DYTN: variants seen among roughly 807,000 people sequenced by gnomAD.
DYTN encodes dystrotelin.
In DYTN, 75 loss-of-function variants were observed where a neutral mutation model predicts 69.6. The observed-to-expected ratio is 1.08, with a 90% CI of 0.89 to 1.31. The LOEUF is 1.31. Ranked by LOEUF, DYTN falls within the 50% of genes most tolerant of loss-of-function variation. DYTN has a pLI of 0.00. For missense variants in DYTN, 726 were observed against 688.4 expected (o/e 1.05, Z -0.61); for synonymous variants, 252 against 249.1 (o/e 1.01, Z -0.11).
At chr2:206,714,034 A>G (rs906291278) in intron 1 of DYTN, among the ~76,000 whole-genome samples, 10 of 152,148 alleles carry the variant, frequency 6.6e-5, no homozygotes, top group African/African-American at 2.2e-4. Flanking sequence ...ATTCAAACAT[A>G]TGTGGCAAGG....
rs1194032966 is a variant in DYTN, at chr2:206,717,079, A to ACACACACACACACACACAC, written c.19+1181_19+1182insGTGTGTGTGTGTGTGTGTG. On this transcript the variant is annotated intron_variant, in intron 1 of 11. Coordinates refer to ENST00000452335, the MANE Select transcript of DYTN (RefSeq NM_001093730.1). Reference sequence around the variant, plus strand: ...ACACACACACACACACACACACACAAAACAAACTCAAGAAAGGAAGAAACT... The same window carrying ACACACACACACACACACAC: ...ACACACACACACACACACACACACAACACACACACACACACACACAACAAACTCAAGAAAGGAAGAAACT... Among the ~76,000 whole-genome samples the ACACACACACACACACACAC allele has an allele frequency of 3.5e-3, 484 of 137,228 alleles. 3 individuals are homozygous for ACACACACACACACACACAC. The highest frequency in any genetic ancestry group is 0.01 in the South Asian group (43 of 4,284). The allele number at this position is 137,228 out of a possible 152,430, so 90.0% of individuals were successfully genotyped here. A position where few individuals can be genotyped will look rare whatever the true frequency, so the allele number is the denominator to read the frequency against.
chr2:206,666,651 T>C (rs1165385092), intron 9 of DYTN, among the ~76,000 whole-genome samples: 2 of 152,168 alleles, frequency 1.3e-5, no homozygotes, highest in Non-Finnish European at 2.9e-5. Flanking sequence ...TCATGGATTG[T>C]AGGTCTGCTT....
At chr2:206,666,732 G>GGTGTGT (rs1288288446) in intron 9 of DYTN, among the ~76,000 whole-genome samples, 68 of 122,384 alleles carry the variant, frequency 5.6e-4, no homozygotes, top group African/African-American at 2.2e-3. Flanking sequence ...CTCACTCATG[G>GGTGTGT]GTGTGCGTGT....
At chr2:206,693,736 A>G (rs372643645) in intron 8 of DYTN, among the ~76,000 whole-genome samples, 1 of 152,230 alleles carries the variant, frequency 6.6e-6, no homozygotes, top group African/African-American at 2.4e-5. Flanking sequence ...TCACAGGCTC[A>G]CCCGAAATCC....
At chr2:206,661,332 G>A (rs972127440) in intron 11 of DYTN, among the ~76,000 whole-genome samples, 2 of 152,158 alleles carry the variant, frequency 1.3e-5, no homozygotes, top group Admixed American at 1.3e-4. Flanking sequence ...CTCCTCTGAT[G>A]CAAAAACACA....
intron 9 of DYTN, among the ~76,000 whole-genome samples, chr2:206,679,452 C>A (rs1485191341): frequency 6.6e-6 from 1 of 152,136 alleles, no homozygotes; most frequent in Non-Finnish European, 1.5e-5. Context: ...AGAAAATCCC[C>A]CAGGTCATCT....
At chr2:206,699,585 T>G (rs1393778525) in intron 7 of DYTN, 142 bp downstream of exon 7, 1 of 961,580 alleles carries the variant, frequency 1.0e-6, no homozygotes, top group Non-Finnish European at 1.5e-6. Context: ...GGATGCCTCT[T>G]GCCAGGAAAT....
chr2:206,660,913 C>T (rs1699504806), intron 11 of DYTN, among the ~76,000 whole-genome samples: 1 of 152,242 alleles, frequency 6.6e-6, no homozygotes, highest in South Asian at 2.1e-4. Context: ...TGCCCCCCTC[C>T]TACCCCAAAT....
Position 206,707,414 on chromosome 2 carries a change from G to T in DYTN, c.184C>A (p.Leu62Ile). Residue 62 changes from leucine (L) to isoleucine (I), a missense_variant, in exon 3 of 12, where the codon CTT becomes ATT. Leu to Ile is a conservative substitution (Grantham distance 5). Coordinates refer to ENST00000452335, the MANE Select transcript of DYTN (RefSeq NM_001093730.1). ...AACAGCTCTTGGAGTGCCTGAGAAA[G>T]TTGCTGCACAGAAAGGGAGTGCTTG... ...ARKHSLSVQQ[L>I]SQALQELFQK... 6.2e-7 allele frequency: 1 copy of T among 1,613,368 alleles called. No individual in the cohort carries two copies. Among genetic ancestry groups the T allele is most frequent in the Non-Finnish European group, 8.5e-7 (1 of 1,179,728 alleles).
chr2:206,652,673 A>T (rs1380098709), intron 11 of DYTN, among the ~76,000 whole-genome samples: 3 of 152,232 alleles, frequency 2.0e-5, no homozygotes, highest in Non-Finnish European at 4.4e-5. Flanking sequence ...GCAGCATTTT[A>T]AAAATGACAT....
chr2:206,673,987 C>T (rs1184118604), intron 9 of DYTN, among the ~76,000 whole-genome samples: 1 of 152,126 alleles, frequency 6.6e-6, no homozygotes, highest in Non-Finnish European at 1.5e-5. Flanking sequence ...TAATTGAGTA[C>T]ACCAGCACAC....
intron 9 of DYTN, among the ~76,000 whole-genome samples, chr2:206,676,237 A>G (rs1407698098): frequency 9.9e-5 from 15 of 152,242 alleles, no homozygotes; most frequent in Admixed American, 9.8e-4. Flanking sequence ...ACCATGGAAT[A>G]CTATGCAGTC....
At chr2:206,707,625 G>A in intron 2 of DYTN, 122 bp from the exon 3 acceptor site, 5 of 934,558 alleles carry the variant, frequency 5.4e-6, no homozygotes, top group Admixed American at 2.6e-5. Context: ...TTTCTTTTAA[G>A]GGGAATGAAA....
chr2:206,678,855 GATA>G (rs1699719272), intron 9 of DYTN, among the ~76,000 whole-genome samples: 1 of 152,146 alleles, frequency 6.6e-6, no homozygotes, highest in East Asian at 1.9e-4. Context: ...TGTGATTTGA[GATA>G]AAAAGTTATT....
At chr2:206,688,939 T>C (rs763591294) in intron 9 of DYTN, among the ~76,000 whole-genome samples, 10 of 152,218 alleles carry the variant, frequency 6.6e-5, no homozygotes, top group Non-Finnish European at 1.5e-4. Flanking sequence ...ATTTTGTATA[T>C]GTTTATTTTA....
chr2:206,661,382 G>T (rs934856252), intron 11 of DYTN, among the ~76,000 whole-genome samples: 1 of 152,116 alleles, frequency 6.6e-6, no homozygotes, highest in South Asian at 2.1e-4. Context: ...GTCTGTAGAT[G>T]ATCACTCCAA....
At position 206,707,362 on chromosome 2, in the gene DYTN, C is replaced by G; in HGVS notation, c.236G>C (p.Gly79Ala). The G allele has an allele frequency of 1.2e-6, 2 of 1,612,786 alleles. No homozygotes were observed. Among genetic ancestry groups the G allele is most frequent in the Non-Finnish European group, 1.7e-6 (2 of 1,179,544 alleles). The change falls in exon 3 of 12, where the codon GGA (glycine) becomes GCA (alanine). Residue 79 changes from glycine (G) to alanine (A), a missense_variant. Gly to Ala is a moderately conservative substitution (Grantham distance 60). Coordinates refer to ENST00000452335, the MANE Select transcript of DYTN (RefSeq NM_001093730.1). ...LFQKAREENP[G>A]QVHPRAPELT... is the part of the protein sequence containing the mutation. ...TTCCGGAGCTCTGGGATGCACTTGT[C>G]CTGGGTTTTCCTCCCTGGCCTTCTG...
chr2:206,656,920 G>A (rs1451110734), intron 11 of DYTN, among the ~76,000 whole-genome samples: 3 of 151,828 alleles, frequency 2.0e-5, no homozygotes, highest in South Asian at 2.1e-4. Flanking sequence ...ATGCCACCAC[G>A]TCCGGCTAAT....
intron 1 of DYTN, among the ~76,000 whole-genome samples, chr2:206,714,001 G>A (rs1193259153): frequency 2.0e-5 from 3 of 152,204 alleles, no homozygotes; most frequent in African/African-American, 4.8e-5. Flanking sequence ...ATGAAACAAG[G>A]AACTGCTTGG....
Sources: gnomAD v4.1 joint callset for allele counts (sites outside exome capture counted in the v4.1 genomes callset) on GRCh38, gnomAD v4.1.1 for gene constraint, MANE v1.5 for transcripts, NCBI Gene and HGNC (gene_info 2026-07-23, HGNC 2026-07-21) for gene names.